Variants in PCDH15 observed in about 807,000 individuals in gnomAD.
PCDH15 encodes protocadherin related 15, also known as protocadherin-15.
In PCDH15, 129 loss-of-function variants were observed where a neutral mutation model predicts 178.5. That is an observed-to-expected ratio of 0.72 (90% CI 0.63 to 0.84). PCDH15 has a LOEUF of 0.84. Ranked by LOEUF, PCDH15 falls within the 40% of genes least tolerant of loss-of-function variation. The pLI is 0.00. For missense variants in PCDH15, 2,230 were observed against 2,099.9 expected (o/e 1.06, Z -1.21); for synonymous variants, 800 against 732.0 (o/e 1.09, Z -1.50).
chr10:54,924,326 A>T (rs1482308629), intron 2 of PCDH15, among the ~76,000 whole-genome samples: 2 of 137,780 alleles, frequency 1.5e-5, no homozygotes, highest in Non-Finnish European at 3.4e-5. Flanking sequence ...AGGGCCCAGA[A>T]CCAAACCATA....
chr10:54,309,534 C>T (rs137917757), intron 8 of PCDH15, among the ~76,000 whole-genome samples: 1,688 of 152,106 alleles, frequency 0.011, 33 homozygotes, highest in African/African-American at 0.038. Flanking sequence ...TGGCTCATGC[C>T]TATAATCCCA....
At chr10:55,265,856 C>T (rs72803832) in intron 1 of PCDH15, among the ~76,000 whole-genome samples, 7,255 of 152,072 alleles carry the variant, frequency 0.048, 273 homozygotes, top group Non-Finnish European at 0.079. Context: ...CAGAAATGGC[C>T]CTGGGACCAG....
intron 2 of PCDH15, among the ~76,000 whole-genome samples, chr10:55,120,743 C>T (rs1837745230): frequency 6.6e-6 from 1 of 152,200 alleles, no homozygotes; most frequent in African/African-American, 2.4e-5. Context: ...TTGTGCAGTG[C>T]TCTTTGGTCT....
Position 54,124,164 on chromosome 10 carries a change from G to A in PCDH15, c.1917+8711C>T, listed in dbSNP as rs190415236. Reference sequence around the variant, plus strand: ...GTACCCTTTGAATCTAAATAAAAACGGAAAAATAAAGAATGGCAAAATTAA... The same window carrying A: ...GTACCCTTTGAATCTAAATAAAAACAGAAAAATAAAGAATGGCAAAATTAA... On this transcript the variant is annotated intron_variant, in intron 15 of 37. Transcript: ENST00000644397. Among the ~76,000 whole-genome samples, 205 of 151,238 alleles carry A rather than the reference G, an allele frequency of 1.4e-3. 1 individual carries two copies. The highest frequency in any genetic ancestry group is 3.9e-3 in the African/African-American group (161 of 41,370).
intron 3 of PCDH15, among the ~76,000 whole-genome samples, chr10:54,893,510 AT>A (rs1954498930): frequency 2.0e-5 from 3 of 152,020 alleles, no homozygotes; most frequent in Admixed American, 1.3e-4. Flanking sequence ...AATAAAGTAA[AT>A]TGTCCTTGAG....
intron 26 of PCDH15, among the ~76,000 whole-genome samples, chr10:53,878,541 A>G (rs7919107): frequency 0.62 from 90,434 of 145,496 alleles, 29,183 homozygotes; most frequent in Middle Eastern, 0.78. Context: ...TATATATAAT[A>G]AAACACTGAA....
chr10:54,647,141 G>T (rs1006305170), intron 2 of PCDH15, among the ~76,000 whole-genome samples: 11 of 151,998 alleles, frequency 7.2e-5, no homozygotes, highest in Non-Finnish European at 1.6e-4. Context: ...ACATACAGTG[G>T]AATAGTATTC....
At chr10:53,861,833 A>G (rs1476189935) in intron 27 of PCDH15, among the ~76,000 whole-genome samples, 1 of 152,052 alleles carries the variant, frequency 6.6e-6, no homozygotes, top group Non-Finnish European at 1.5e-5. Context: ...GGACAACCCA[A>G]CTTTAGAGAT....
intron 3 of PCDH15, among the ~76,000 whole-genome samples, chr10:54,886,312 G>A (rs970590462): frequency 3.9e-5 from 6 of 152,092 alleles, no homozygotes; most frequent in African/African-American, 1.4e-4. Flanking sequence ...AAATTGACTT[G>A]TAAACTTACA....
chr10:54,752,525 CAAACA>C (rs796579896), intron 1 of PCDH15, among the ~76,000 whole-genome samples: 5,086 of 63,980 alleles, frequency 0.079, 686 homozygotes, highest in African/African-American at 0.15. Context: ...AACAAACAAA[CAAACA>C]AAAAAAAACA....
Position 55,185,972 on chromosome 10 carries a change from T to C in PCDH15, c.-155-19321A>G, listed in dbSNP as rs370594489. The stretch of plus-strand genomic sequence containing the variant: ...AAAAAATAATACTGTTTATCCTCTA[T>C]GTATTAGTATTTGTTTGGGACTTGG... On this transcript the variant is annotated intron_variant, in intron 1 of 5. Coordinates refer to the PCDH15 transcript ENST00000458638. Among the ~76,000 whole-genome samples the C allele has an allele frequency of 5.9e-5, 9 of 151,898 alleles. No individual in the cohort carries two copies. In the East Asian group the frequency reaches 7.7e-4, roughly 13 times the overall value.
intron 3 of PCDH15, among the ~76,000 whole-genome samples, chr10:54,458,168 T>C (rs1413163119): frequency 6.6e-6 from 1 of 152,192 alleles, no homozygotes; most frequent in African/African-American, 2.4e-5. Flanking sequence ...GACAACTAAC[T>C]TTTGTTGTTT....
At chr10:54,908,513 CT>C (rs1954764221) in intron 2 of PCDH15, among the ~76,000 whole-genome samples, 1 of 152,144 alleles carries the variant, frequency 6.6e-6, no homozygotes. Context: ...CTCATCCCTC[CT>C]TTTTGTCACC....
At chr10:55,276,344 G>A (rs995678657) in intron 1 of PCDH15, among the ~76,000 whole-genome samples, 2 of 150,928 alleles carry the variant, frequency 1.3e-5, no homozygotes, top group South Asian at 4.2e-4. Context: ...TTACTGATAG[G>A]ATCATTGTGT....
intron 2 of PCDH15, among the ~76,000 whole-genome samples, chr10:55,433,959 G>C (rs1327094332): frequency 6.6e-6 from 1 of 151,468 alleles, no homozygotes. Context: ...TTATTTCTGG[G>C]CTCCATAATC....
At chr10:54,085,591 A>G (rs72797006) in intron 16 of PCDH15, among the ~76,000 whole-genome samples, 30,605 of 152,044 alleles carry the variant, frequency 0.2, 3,269 homozygotes, top group Non-Finnish European at 0.25. Flanking sequence ...TACTAGAAAA[A>G]TGCATTATAT....
At chr10:53,878,717 C>T (rs1031024963) in intron 26 of PCDH15, among the ~76,000 whole-genome samples, 12 of 151,692 alleles carry the variant, frequency 7.9e-5, no homozygotes, top group Admixed American at 5.3e-4. Context: ...GTCCATTATA[C>T]GTCAAATTTG....
intron 18 of PCDH15, among the ~76,000 whole-genome samples, chr10:54,040,108 T>A (rs538245297): frequency 1.2e-3 from 184 of 152,146 alleles, no homozygotes; most frequent in African/African-American, 4.1e-3. Context: ...GTTTACTTAA[T>A]TACTCTTAAA....
At chr10:54,955,534 A>G (rs1001521350) in intron 2 of PCDH15, among the ~76,000 whole-genome samples, 6 of 151,510 alleles carry the variant, frequency 4.0e-5, no homozygotes, top group African/African-American at 1.4e-4. Flanking sequence ...ATTTTCTTCC[A>G]TAGCCCTCTT....
Sources: gnomAD v4.1 joint callset for allele counts (sites outside exome capture counted in the v4.1 genomes callset) on GRCh38, gnomAD v4.1.1 for gene constraint, MANE v1.5 for transcripts, NCBI Gene and HGNC (gene_info 2026-07-23, HGNC 2026-07-21) for gene names.